Variants in NDST4 observed in about 807,000 individuals in gnomAD.
NDST4 encodes the protein N-heparan sulfate sulfotransferase 4.
In NDST4, 63 loss-of-function variants were observed where a neutral mutation model predicts 100.8. That is an observed-to-expected ratio of 0.62 (90% CI 0.51 to 0.77). The LOEUF (loss-of-function observed/expected upper bound fraction) is 0.77, where lower values mean the gene tolerates loss of function less well. NDST4 is among the 30% of genes least tolerant of loss of function. The probability of loss-of-function intolerance (pLI) is 0.00; values close to 1 mark genes in which losing one functional copy is unlikely to be tolerated. For missense variants in NDST4, 943 were observed against 1,018.4 expected, an observed-to-expected ratio of 0.93 and a Z score of 1.01; for synonymous variants, 377 against 361.8, an observed-to-expected ratio of 1.04 and a Z score of -0.48.
At chr4:114,936,724 C>T (rs1227610463) in intron 5 of NDST4, among the ~76,000 whole-genome samples, 1 of 152,140 alleles carries the variant, frequency 6.6e-6, no homozygotes, top group Non-Finnish European at 1.5e-5. Context: ...AGGATTCCTA[C>T]ATCCTATTAT....
intron 2 of NDST4, among the ~76,000 whole-genome samples, chr4:114,987,646 T>C (rs1449962531): frequency 6.6e-6 from 1 of 152,150 alleles, no homozygotes; most frequent in Non-Finnish European, 1.5e-5. Context: ...GAAAAAATAA[T>C]TGTATCTTCA....
chr4:114,948,089 A>G (rs541472379), intron 4 of NDST4, among the ~76,000 whole-genome samples: 1 of 152,270 alleles, frequency 6.6e-6, no homozygotes, highest in East Asian at 1.9e-4. Flanking sequence ...CTTTGCAGAA[A>G]GAGTAGATTA....
chr4:114,964,027 G>A (rs1189309671), intron 4 of NDST4, among the ~76,000 whole-genome samples: 1 of 152,148 alleles, frequency 6.6e-6, no homozygotes, highest in Non-Finnish European at 1.5e-5. Flanking sequence ...TGGTATAAGT[G>A]AAGAGGTATT....
chr4:114,992,289 G>C (rs1273547030), intron 2 of NDST4, among the ~76,000 whole-genome samples: 2 of 151,444 alleles, frequency 1.3e-5, no homozygotes, highest in Non-Finnish European at 3.0e-5. Flanking sequence ...ATTTTTTTAA[G>C]AGATGTTTTA....
intron 2 of NDST4, among the ~76,000 whole-genome samples, chr4:115,010,438 A>G (rs1727517649): frequency 7.8e-6 from 1 of 128,740 alleles, no homozygotes; most frequent in Admixed American, 7.9e-5. Flanking sequence ...TCGCAAGAAC[A>G]AAAAAACAAA....
In NDST4 at chr4:115,076,820, T is replaced by C; in HGVS notation, c.217A>G (p.Thr73Ala). 1 of 1,613,990 alleles carries C rather than the reference T, an allele frequency of 6.2e-7. No individual in the cohort carries two copies. Among genetic ancestry groups the C allele is most frequent in the Non-Finnish European group, 8.5e-7 (1 of 1,179,922 alleles). Residue 73 changes from threonine to alanine, a missense_variant, in exon 2 of 14, where the codon ACA becomes GCA. This residue lies in a region of NDST4 where 417 missense variants were observed against 384.2 expected (regional missense o/e 1.09). Coordinates refer to ENST00000264363, the MANE Select transcript of NDST4 (RefSeq NM_022569.3). ...AGGACAGTAGGGTCCGTTTTGGATG[T>C]GTCAATAGGTTTAACTGTTTTCAGC... ...MELKTVKPID[T>A]SKTDPTVLLF... is the part of the protein sequence containing the mutation.
chr4:115,090,149 T>C (rs1729487392), intron 1 of NDST4, among the ~76,000 whole-genome samples: 1 of 151,842 alleles, frequency 6.6e-6, no homozygotes, highest in Admixed American at 6.6e-5. Context: ...AGACTTTTTC[T>C]AATGAATTTT....
intron 4 of NDST4, among the ~76,000 whole-genome samples, chr4:114,947,861 A>T (rs886861393): frequency 4.6e-5 from 7 of 152,078 alleles, no homozygotes; most frequent in Non-Finnish European, 7.4e-5. Flanking sequence ...CTTCGATCTG[A>T]TTGCATATTT....
chr4:114,845,334 A>G (rs909660644), intron 10 of NDST4, among the ~76,000 whole-genome samples: 6 of 152,102 alleles, frequency 3.9e-5, no homozygotes, highest in African/African-American at 7.2e-5. Context: ...CTGGTCTCCA[A>G]TTGGGTTGAT....
At chr4:114,838,473 G>C (rs1723350094) in intron 11 of NDST4, among the ~76,000 whole-genome samples, 1 of 152,164 alleles carries the variant, frequency 6.6e-6, no homozygotes, top group Non-Finnish European at 1.5e-5. Flanking sequence ...ATACACCATG[G>C]AATACTATGC....
intron 2 of NDST4, among the ~76,000 whole-genome samples, chr4:115,032,121 T>G (rs1008433795): frequency 2.0e-5 from 3 of 152,108 alleles, no homozygotes; most frequent in Admixed American, 2.0e-4. Context: ...TTAATGACTT[T>G]GCAGAAACAA....
At chr4:114,990,467 T>C (rs1727012715) in intron 2 of NDST4, among the ~76,000 whole-genome samples, 1 of 152,108 alleles carries the variant, frequency 6.6e-6, no homozygotes, top group Admixed American at 6.6e-5. Flanking sequence ...CAAAAGATAT[T>C]TTATAAACTA....
intron 1 of NDST4, among the ~76,000 whole-genome samples, chr4:115,093,961 C>G (rs1406744612): frequency 6.6e-6 from 1 of 151,608 alleles, no homozygotes; most frequent in African/African-American, 2.4e-5. Flanking sequence ...ATAAGAAATA[C>G]AATAGAGAGA....
chr4:114,972,532 T>G (rs1485825912), intron 3 of NDST4, among the ~76,000 whole-genome samples: 2 of 152,040 alleles, frequency 1.3e-5, no homozygotes, highest in Non-Finnish European at 2.9e-5. Flanking sequence ...CTTTTGTTAA[T>G]ATATTAAGAA....
At chr4:114,943,633 T>C (rs188603613) in intron 4 of NDST4, among the ~76,000 whole-genome samples, 1 of 152,228 alleles carries the variant, frequency 6.6e-6, no homozygotes, top group Admixed American at 6.5e-5. Flanking sequence ...TTCACATAAT[T>C]ATATATAATA....
chr4:115,012,813 A>G (rs769261908), intron 2 of NDST4, among the ~76,000 whole-genome samples: 3 of 152,068 alleles, frequency 2.0e-5, no homozygotes, highest in Admixed American at 6.6e-5. Flanking sequence ...AGACAAATGG[A>G]TAAAGACAAT....
intron 6 of NDST4, among the ~76,000 whole-genome samples, chr4:114,922,400 A>T (rs1366848803): frequency 6.6e-6 from 1 of 152,164 alleles, no homozygotes; most frequent in African/African-American, 2.4e-5. Flanking sequence ...GCCACTGTGC[A>T]TGTGGACAGC....
intron 1 of NDST4, among the ~76,000 whole-genome samples, chr4:115,077,815 A>G (rs1467871580): frequency 6.6e-6 from 1 of 152,156 alleles, no homozygotes; most frequent in African/African-American, 2.4e-5. Flanking sequence ...CTGGACTCAC[A>G]GGGAGCCACT....
chr4:114,986,632 G>C (rs1331355240), intron 2 of NDST4, among the ~76,000 whole-genome samples: 1 of 151,284 alleles, frequency 6.6e-6, no homozygotes, highest in Non-Finnish European at 1.5e-5. Context: ...CTCTTCCTCT[G>C]GTTTCTGTTT....
Sources: gnomAD v4.1 joint callset for allele counts (sites outside exome capture counted in the v4.1 genomes callset) on GRCh38, gnomAD v4.1.1 for gene constraint, gnomAD v4.1.1 regional missense constraint, MANE v1.5 for transcripts, NCBI Gene and HGNC (gene_info 2026-07-23, HGNC 2026-07-21) for gene names.